The following SLC10A7 variants were observed in gnomAD, a reference collection of about 807,000 sequenced individuals.
SLC10A7 encodes the protein sodium/bile acid cotransporter 7.
SLC10A7 carries 29 observed loss-of-function variants against 43.2 expected under a neutral mutation model. That is an observed-to-expected ratio of 0.67 (90% confidence interval 0.50 to 0.92). The LOEUF (loss-of-function observed/expected upper bound fraction) is 0.92, where lower values mean the gene tolerates loss of function less well. Ranked by LOEUF, SLC10A7 falls within the 40% of genes least tolerant of loss-of-function variation. The pLI is 0.00. For missense variants in SLC10A7, 295 were observed against 403.2 expected (o/e 0.73, Z 2.30); for synonymous variants, 152 against 144.8 (o/e 1.05, Z -0.35).
intron 5 of SLC10A7, among the ~76,000 whole-genome samples, chr4:146,340,537 A>ATG (rs758537083): frequency 1.3e-4 from 18 of 141,520 alleles, no homozygotes; most frequent in African/African-American, 4.4e-4. Flanking sequence ...ATATATATGG[A>ATG]GAGAGAGAGA....
intron 5 of SLC10A7, among the ~76,000 whole-genome samples, chr4:146,424,656 T>A (rs1478448620): frequency 4.7e-5 from 7 of 149,384 alleles, no homozygotes; most frequent in Admixed American, 1.3e-4. Context: ...CGAGACTCCA[T>A]CTCAGAAAAA....
intron 5 of SLC10A7, among the ~76,000 whole-genome samples, chr4:146,430,591 G>T (rs187309559): frequency 6.6e-6 from 1 of 152,078 alleles, no homozygotes; most frequent in East Asian, 1.9e-4. Flanking sequence ...ACTGTTATAA[G>T]GTAAAACTAT....
rs1021358290 is a variant in SLC10A7, at chr4:146,403,546, G to C, written c.435+39237C>G. On this transcript the variant is annotated intron_variant, in intron 5 of 11. Transcript: ENST00000335472. ...TCTCAGTTCCAGCTAACTACCCAAG[G>C]CTACATTTCATATACCTGCATGTAT... 6.6e-4 allele frequency among the ~76,000 whole-genome samples: 101 copies of C among 152,048 alleles called. 2 individuals carry two copies. The highest frequency in any genetic ancestry group is 6.3e-4 in the Non-Finnish European group (43 of 68,012).
chr4:146,485,694 C>T (rs1289520218), intron 4 of SLC10A7, among the ~76,000 whole-genome samples: 1 of 152,150 alleles, frequency 6.6e-6, no homozygotes, highest in Non-Finnish European at 1.5e-5. Flanking sequence ...GAAAGTCCTA[C>T]TCTGGGCTGA....
chr4:146,321,276 C>G (rs1465162607), intron 6 of SLC10A7, among the ~76,000 whole-genome samples: 2 of 152,086 alleles, frequency 1.3e-5, no homozygotes, highest in Non-Finnish European at 2.9e-5. Flanking sequence ...CCTTTATATT[C>G]TGATGCTTGC....
At chr4:146,280,932 T>G (rs964311628) in intron 10 of SLC10A7, among the ~76,000 whole-genome samples, 34 of 151,962 alleles carry the variant, frequency 2.2e-4, no homozygotes, top group African/African-American at 8.2e-4. Flanking sequence ...CCAGGATGAG[T>G]ATTTAGGTCT....
intron 6 of SLC10A7, among the ~76,000 whole-genome samples, chr4:146,318,199 C>T (rs972991016): frequency 1.3e-5 from 2 of 151,998 alleles, no homozygotes; most frequent in African/African-American, 4.8e-5. Context: ...GTACCCTTTA[C>T]AGAAACATTT....
chr4:146,472,884 G>T (rs2149967894), intron 4 of SLC10A7, among the ~76,000 whole-genome samples: 1 of 152,266 alleles, frequency 6.6e-6, no homozygotes, highest in African/African-American at 2.4e-5. Flanking sequence ...AAGTCTAGTT[G>T]TCTAAAGGCC....
At chr4:146,451,250 A>AAAC (rs1480394677) in intron 4 of SLC10A7, among the ~76,000 whole-genome samples, 1 of 148,422 alleles carries the variant, frequency 6.7e-6, no homozygotes, top group Non-Finnish European at 1.5e-5. Flanking sequence ...AAAAAAAAAA[A>AAAC]CAAAAAAAAA....
intron 6 of SLC10A7, among the ~76,000 whole-genome samples, chr4:146,306,559 GC>G (rs1731588251): frequency 6.6e-6 from 1 of 152,010 alleles, no homozygotes; most frequent in African/African-American, 2.4e-5. Context: ...TTTCAATATA[GC>G]TCCCCTAAAT....
At chr4:146,520,031 C>T (rs187062388) in intron 1 of SLC10A7, among the ~76,000 whole-genome samples, 169 of 152,252 alleles carry the variant, frequency 1.1e-3, no homozygotes, top group Non-Finnish European at 2.0e-3. Flanking sequence ...AAAAGCCCCA[C>T]GGAAATGATT....
chr4:146,451,481 A>C (rs1172641460), intron 4 of SLC10A7, among the ~76,000 whole-genome samples: 2 of 152,080 alleles, frequency 1.3e-5, no homozygotes, highest in Admixed American at 1.3e-4. Context: ...AATCCTCAAC[A>C]ACATCCTAGC....
chr4:146,305,668 A>G (rs984263825), intron 7 of SLC10A7, among the ~76,000 whole-genome samples: 1 of 152,124 alleles, frequency 6.6e-6, no homozygotes, highest in Non-Finnish European at 1.5e-5. Flanking sequence ...ATTAAACAAA[A>G]ATCAAGACTC....
chr4:146,466,392 G>A (rs571907928), intron 4 of SLC10A7, among the ~76,000 whole-genome samples: 2 of 133,570 alleles, frequency 1.5e-5, no homozygotes, highest in African/African-American at 4.9e-5. Flanking sequence ...CCCTGGAAGT[G>A]GCCCCACTTG....
intron 5 of SLC10A7, among the ~76,000 whole-genome samples, chr4:146,374,657 CACACATAT>C (rs772196392): frequency 6.9e-6 from 1 of 144,624 alleles, no homozygotes; most frequent in African/African-American, 2.6e-5. Context: ...CACACACACA[CACACATAT>C]ATATATATTT....
chr4:146,457,022 G>A (rs1013517209), intron 4 of SLC10A7, among the ~76,000 whole-genome samples: 2 of 151,840 alleles, frequency 1.3e-5, no homozygotes, highest in African/African-American at 2.4e-5. Context: ...AGTATTCTAG[G>A]CTCTGTGGAC....
chr4:146,414,386 C>G (rs182382156), intron 5 of SLC10A7, among the ~76,000 whole-genome samples: 165 of 152,258 alleles, frequency 1.1e-3, no homozygotes, highest in African/African-American at 3.8e-3. Flanking sequence ...CTAGCCTATT[C>G]TAAGATTCCA....
intron 9 of SLC10A7, among the ~76,000 whole-genome samples, chr4:146,289,016 G>T (rs934146324): frequency 6.6e-6 from 1 of 152,168 alleles, no homozygotes; most frequent in Admixed American, 6.5e-5. Flanking sequence ...GAACAGAAAA[G>T]GTCCTTTGAG....
At chr4:146,508,411 TAA>T (rs1484730819) in intron 3 of SLC10A7, among the ~76,000 whole-genome samples, 1 of 152,248 alleles carries the variant, frequency 6.6e-6, no homozygotes, top group Non-Finnish European at 1.5e-5. Context: ...ATTTTTGCTC[TAA>T]AATGATGTCA....
Sources: allele counts gnomAD v4.1 joint callset (sites outside exome capture counted in the v4.1 genomes callset), GRCh38; gene constraint gnomAD v4.1.1; transcripts MANE v1.5; gene names NCBI Gene and HGNC (gene_info 2026-07-23, HGNC 2026-07-21).